PPP2R5B: variants seen among roughly 807,000 people sequenced by gnomAD.
PPP2R5B encodes the protein protein phosphatase 2 regulatory subunit B'beta.
Under a neutral mutation model 59.9 loss-of-function variants are expected in PPP2R5B, and 19 were observed. That is an observed-to-expected ratio of 0.32 (90% CI 0.22 to 0.47). The LOEUF (loss-of-function observed/expected upper bound fraction) is 0.47, where lower values mean the gene tolerates loss of function less well. Among genes scored for constraint, PPP2R5B ranks in the 20% least tolerant of loss-of-function variants. PPP2R5B has a pLI of 1.00. For missense variants in PPP2R5B, 441 were observed against 640.2 expected (o/e 0.69, Z 3.36); for synonymous variants, 286 against 260.5 (o/e 1.10, Z -0.94).
chr11:64,930,048 C>CTA (rs1945211473), intron 6 of PPP2R5B, among the ~76,000 whole-genome samples: 1 of 152,138 alleles, frequency 6.6e-6, no homozygotes, highest in Non-Finnish European at 1.5e-5. Flanking sequence ...AGTAGATGTG[C>CTA]TAAGTGTTTG....
intron 6 of PPP2R5B, among the ~76,000 whole-genome samples, chr11:64,929,541 C>T (rs1046174428): frequency 7.9e-5 from 12 of 152,162 alleles, no homozygotes; most frequent in African/African-American, 2.4e-4. Context: ...GCCTGGCCAA[C>T]GTGGTGAAAC....
At chr11:64,926,123 G>A (rs909161099) in intron 2 of PPP2R5B, among the ~76,000 whole-genome samples, 190 bp downstream of exon 2, 6 of 152,240 alleles carry the variant, frequency 3.9e-5, no homozygotes, top group African/African-American at 1.4e-4. Flanking sequence ...TGACTGGCCT[G>A]TCATCCTTAG....
intron 1 of PPP2R5B, among the ~76,000 whole-genome samples, chr11:64,919,185 T>C (rs1033014166): frequency 1.3e-5 from 2 of 151,910 alleles, no homozygotes; most frequent in African/African-American, 4.8e-5. Context: ...CTAAAAAATA[T>C]TTAAAAAATT....
At chr11:64,933,586 T>C in intron 13 of PPP2R5B, 111 bp from the exon 14 acceptor site, 4 of 1,356,582 alleles carry the variant, frequency 2.9e-6, no homozygotes, top group Non-Finnish European at 3.9e-6. Flanking sequence ...ACAAAAATGG[T>C]TCCATGCCTT....
intron 1 of PPP2R5B, among the ~76,000 whole-genome samples, chr11:64,918,621 G>T (rs532705956): frequency 6.6e-6 from 1 of 151,896 alleles, no homozygotes; most frequent in Non-Finnish European, 1.5e-5. Context: ...ACGAGCCACC[G>T]TGCCCGGCCT....
upstream of PPP2R5B, among the ~76,000 whole-genome samples, chr11:64,922,632 TG>T (rs1251364579): frequency 1.3e-5 from 2 of 152,180 alleles, no homozygotes; most frequent in Non-Finnish European, 2.9e-5. Context: ...CCCAGCACTT[TG>T]GGAGGCCGAG....
upstream of PPP2R5B, chr11:64,924,644 T>A (rs1590674718): frequency 6.6e-6 from 1 of 152,398 alleles, no homozygotes; most frequent in East Asian, 1.9e-4. Flanking sequence ...CAGCCCCCCC[T>A]TTCAGCCCGC....
Position 64,925,903 on chromosome 11 carries a change from C to G in PPP2R5B, c.169C>G (p.Gln57Glu). The G allele has an allele frequency of 1.9e-6, 3 of 1,612,000 alleles. No homozygotes were observed. Among genetic ancestry groups the G allele is most frequent in the Non-Finnish European group, 1.7e-6 (2 of 1,179,894 alleles). ...TCAGTTCCGCTATCAGAGCAACCAG[C>G]AAGAGCTCACACCGCTGCCCCTGCT... is the stretch of plus-strand genomic sequence containing the variant. ...SSQFRYQSNQ[Q>E]ELTPLPLLKD... Residue 57 changes from glutamine to glutamate, a missense_variant, in exon 2 of 14, where the codon CAA (glutamine) becomes GAA (glutamate). By Grantham distance (29) the Gln-to-Glu change is conservative (BLOSUM62 2). This residue lies in a region of PPP2R5B where 103 missense variants were observed against 87.9 expected (regional missense o/e 1.17). Coordinates refer to ENST00000164133, the MANE Select transcript of PPP2R5B (RefSeq NM_006244.4). The surrounding 1 kb of genome is among the most constrained non-coding windows in gnomAD (Gnocchi z 4.6).
intron 1 of PPP2R5B, among the ~76,000 whole-genome samples, chr11:64,919,132 A>C (rs1036400223): frequency 6.6e-6 from 1 of 151,762 alleles, no homozygotes; most frequent in Admixed American, 6.6e-5. Context: ...TGAGGTCAGG[A>C]AATCGAGACC....
intron 3 of PPP2R5B, 132 bp downstream of exon 3, chr11:64,927,040 C>G (rs1197231189): frequency 9.4e-7 from 1 of 1,063,688 alleles, no homozygotes; most frequent in African/African-American, 1.6e-5. Context: ...TCTTCCTTCC[C>G]CCCGACCTGC....
upstream of PPP2R5B, among the ~76,000 whole-genome samples, chr11:64,923,979 A>C (rs1026756058): frequency 6.6e-6 from 1 of 152,184 alleles, no homozygotes; most frequent in Admixed American, 6.5e-5. Context: ...TGACCCACCC[A>C]GCACATCTTA....
chr11:64,934,469 A>C lies in PPP2R5B; in HGVS notation c.*625A>C. On this transcript the variant is annotated 3_prime_UTR_variant, in exon 14 of 14. Coordinates refer to ENST00000164133, the MANE Select transcript of PPP2R5B (RefSeq NM_006244.4). ...TGGGGGTAGACTTAATAAAGAGAGA[A>C]ATTCAAGAACTGCTTGCTTTATTTA... 1 of 479,424 alleles carries C rather than the reference A, an allele frequency of 2.1e-6. No individual in the cohort carries two copies. Among genetic ancestry groups the C allele is most frequent in the Non-Finnish European group, 3.8e-6 (1 of 264,026 alleles). 29.7% of individuals were successfully genotyped at this position (479,424 alleles called of 1,614,324 possible). A position where few individuals can be genotyped will look rare whatever the true frequency, so the allele number is the denominator to read the frequency against.
chr11:64,933,041 A>G (rs1945244558), intron 12 of PPP2R5B, 104 bp from the exon 13 acceptor site: 1 of 1,489,684 alleles, frequency 6.7e-7, no homozygotes, highest in African/African-American at 1.4e-5. Flanking sequence ...GAAAGTGGGC[A>G]GTGCTTGTGT....
chr11:64,928,967 A>G (rs1945200536), intron 6 of PPP2R5B, among the ~76,000 whole-genome samples: 1 of 150,026 alleles, frequency 6.7e-6, no homozygotes, highest in Admixed American at 6.6e-5. Context: ...CTGTGTCTCA[A>G]AAAAAAAAAG....
intron 6 of PPP2R5B, among the ~76,000 whole-genome samples, chr11:64,929,002 C>T (rs1945201183): frequency 6.6e-6 from 1 of 152,056 alleles, no homozygotes. Flanking sequence ...AAAAAGAAGA[C>T]TGCAGCAAAG....
At chr11:64,932,613 C>T in intron 11 of PPP2R5B, 152 bp from the exon 12 acceptor site, 1 of 919,188 alleles carries the variant, frequency 1.1e-6, no homozygotes, top group Non-Finnish European at 1.6e-6. Flanking sequence ...TTCCCTTCAA[C>T]ACTGTTGCTT....
chr11:64,922,376 T>G (rs1945117298), upstream of PPP2R5B, among the ~76,000 whole-genome samples: 1 of 151,744 alleles, frequency 6.6e-6, no homozygotes, highest in African/African-American at 2.4e-5. Flanking sequence ...TTCCAGCTAC[T>G]TGGGAGGCTG....
At chr11:64,921,879 C>T (rs1190481369), upstream of PPP2R5B, among the ~76,000 whole-genome samples, 1 of 152,168 alleles carries the variant, frequency 6.6e-6, no homozygotes. Flanking sequence ...TTTGAACATA[C>T]ATCTTTCGTT....
chr11:64,929,363 G>T (rs567407922), intron 6 of PPP2R5B, among the ~76,000 whole-genome samples: 1 of 152,316 alleles, frequency 6.6e-6, no homozygotes, highest in East Asian at 1.9e-4. Context: ...CTACATTTGA[G>T]TTTGGTTCCA....
Sources: allele counts gnomAD v4.1 joint callset (sites outside exome capture counted in the v4.1 genomes callset), GRCh38; gene constraint gnomAD v4.1.1; regional missense constraint gnomAD v4.1.1; non-coding constraint Gnocchi (gnomAD v3.1); transcripts MANE v1.5; gene names NCBI Gene and HGNC (gene_info 2026-07-23, HGNC 2026-07-21).